The following CLYBL variants were observed in gnomAD, a reference collection of about 807,000 sequenced individuals.
CLYBL encodes citramalyl-CoA lyase, also known as citramalyl-CoA lyase, mitochondrial.
Under a neutral mutation model 38.9 loss-of-function variants are expected in CLYBL, and 31 were observed. The observed-to-expected ratio is 0.80, with a 90% CI of 0.60 to 1.08. The LOEUF (loss-of-function observed/expected upper bound fraction) is 1.08, where lower values mean the gene tolerates loss of function less well. CLYBL is among the 50% of genes least tolerant of loss of function. The pLI is 0.00. For missense variants in CLYBL, 434 were observed against 411.6 expected (o/e 1.05, Z -0.47); for synonymous variants, 171 against 158.6 (o/e 1.08, Z -0.59).
chr13:99,845,906 AAAT>A (rs909186835), intron 2 of CLYBL, among the ~76,000 whole-genome samples: 5 of 152,060 alleles, frequency 3.3e-5, no homozygotes, highest in African/African-American at 1.2e-4. Context: ...TTTTTGAAGA[AAAT>A]AAAATTGACA....
intron 1 of CLYBL, among the ~76,000 whole-genome samples, chr13:99,609,429 C>G (rs980110821): frequency 1.3e-5 from 2 of 152,156 alleles, no homozygotes; most frequent in Non-Finnish European, 2.9e-5. Flanking sequence ...CCTGCCTTGG[C>G]CTCCCAAAGT....
At chr13:99,882,482 C>G (rs2052235771) in intron 7 of CLYBL, among the ~76,000 whole-genome samples, 1 of 151,948 alleles carries the variant, frequency 6.6e-6, no homozygotes, top group African/African-American at 2.4e-5. Context: ...GGGCAAAACC[C>G]CATCTCTACT....
chr13:99,867,574 G>A (rs939688496), intron 6 of CLYBL, among the ~76,000 whole-genome samples: 2 of 152,084 alleles, frequency 1.3e-5, no homozygotes, highest in East Asian at 3.9e-4. Context: ...ATTAATAAAC[G>A]AATTCTCCCT....
At chr13:99,837,885 A>G (rs1453607497) in intron 2 of CLYBL, among the ~76,000 whole-genome samples, 1 of 152,266 alleles carries the variant, frequency 6.6e-6, no homozygotes, top group Non-Finnish European at 1.5e-5. Flanking sequence ...AAATCTCTAC[A>G]TACCAAAACG....
At chr13:99,712,950 T>G (rs1337177756) in intron 1 of CLYBL, among the ~76,000 whole-genome samples, 1 of 152,180 alleles carries the variant, frequency 6.6e-6, no homozygotes, top group Non-Finnish European at 1.5e-5. Context: ...CTTCTAGTAG[T>G]TATGTGAAAA....
intron 1 of CLYBL, among the ~76,000 whole-genome samples, chr13:99,726,847 G>A (rs963128373): frequency 3.9e-5 from 6 of 152,214 alleles, no homozygotes; most frequent in East Asian, 1.9e-4. Context: ...CAAAAAAGGC[G>A]TGCAAGGATG....
At chr13:99,838,188 G>T (rs2050984133) in intron 2 of CLYBL, among the ~76,000 whole-genome samples, 2 of 152,040 alleles carry the variant, frequency 1.3e-5, no homozygotes, top group Admixed American at 6.6e-5. Flanking sequence ...AAGATTGAAA[G>T]CTTTTATATT....
At chr13:99,862,212 C>T (rs989611424) in intron 3 of CLYBL, among the ~76,000 whole-genome samples, 1 of 152,086 alleles carries the variant, frequency 6.6e-6, no homozygotes. Context: ...CTTTATCATA[C>T]CTGTGTTTCT....
intron 2 of CLYBL, among the ~76,000 whole-genome samples, chr13:99,843,824 A>ACTCCTG (rs2139134549): frequency 6.6e-6 from 1 of 152,132 alleles, no homozygotes; most frequent in African/African-American, 2.4e-5. Context: ...CTGGTCTCGA[A>ACTCCTG]CTCCTGACCT....
Position 99,865,402 on chromosome 13 carries a change from T to TC in CLYBL, c.634+492dup, listed in dbSNP as rs907437462. Among the ~76,000 whole-genome samples, 2 of 152,364 alleles carry TC rather than the reference T, an allele frequency of 1.3e-5. No homozygotes were observed. Among genetic ancestry groups the TC allele is most frequent in the South Asian group, 2.1e-4 (1 of 4,824 alleles). ...TCTTAAATTTCTCTTACAATATGTT[T>TC]CGAACTCTTAGTATTAAATGTGCTG... On this transcript the variant is annotated intron_variant, in intron 5 of 8. Transcript: ENST00000339105. This position sits in a 1 kb window ranked among gnomAD's most constrained non-coding sequence, Gnocchi z 4.7.
intron 1 of CLYBL, among the ~76,000 whole-genome samples, chr13:99,638,735 G>A (rs1013938975): frequency 2.6e-5 from 4 of 152,174 alleles, no homozygotes; most frequent in Non-Finnish European, 5.9e-5. Flanking sequence ...GGAGGAAACC[G>A]AAACACAGAA....
chr13:99,792,074 T>C (rs943607167), intron 2 of CLYBL, among the ~76,000 whole-genome samples: 4 of 151,918 alleles, frequency 2.6e-5, no homozygotes, highest in Admixed American at 6.5e-5. Context: ...ATGTTACTTA[T>C]TTTTTTTCCC....
intron 1 of CLYBL, among the ~76,000 whole-genome samples, chr13:99,688,402 G>A (rs1594120407): frequency 6.6e-6 from 1 of 152,148 alleles, no homozygotes; most frequent in Non-Finnish European, 1.5e-5. Flanking sequence ...GGATATTACA[G>A]TCTGTGATTT....
intron 1 of CLYBL, among the ~76,000 whole-genome samples, chr13:99,645,575 C>G (rs2139284645): frequency 6.6e-6 from 1 of 151,106 alleles, no homozygotes; most frequent in East Asian, 1.9e-4. Context: ...CTGTGGTGAT[C>G]AGTGATGTTG....
At chr13:99,641,620 C>T (rs769947110) in intron 1 of CLYBL, among the ~76,000 whole-genome samples, 9 of 149,430 alleles carry the variant, frequency 6.0e-5, no homozygotes, top group African/African-American at 2.2e-4. Flanking sequence ...CTGGCTAGCA[C>T]GGTGAAACCC....
chr13:99,844,503 G>T (rs1317658055), intron 2 of CLYBL, among the ~76,000 whole-genome samples: 1 of 152,162 alleles, frequency 6.6e-6, no homozygotes, highest in East Asian at 1.9e-4. Context: ...GACACCATTG[G>T]TCCTCTCTGT....
At position 99,864,820 on chromosome 13, in the gene CLYBL, A is replaced by G. The variant is rs1566359199; in HGVS notation, c.543A>G (p.Ala181=). ...AGTTCTGTTCTGCTCTTTTACAGGCAGTGTGTGAAGAAACCCTGAAGGTCG... is the reference window on the plus strand; with the variant it reads ...AGTTCTGTTCTGCTCTTTTACAGGCGGTGTGTGAAGAAACCCTGAAGGTCG... The part of the protein sequence containing the change: ...ETAMGLLNFK[A]VCEETLKVGP... Residue 181 remains alanine (A), a splice_region_variant and synonymous_variant, in exon 5 of 9, where the codon GCA becomes GCG. Coordinates refer to ENST00000339105, the MANE Select transcript of CLYBL (RefSeq NM_206808.5). 6.2e-7 allele frequency: 1 copy of G among 1,611,516 alleles called. No individual in the cohort carries two copies. The highest frequency in any genetic ancestry group is 2.2e-5 in the East Asian group (1 of 44,858).
At chr13:99,901,823 C>A (rs1255319672), downstream of CLYBL, among the ~76,000 whole-genome samples, 1 of 151,988 alleles carries the variant, frequency 6.6e-6, no homozygotes, top group African/African-American at 2.4e-5. Flanking sequence ...CCATGCCTGG[C>A]TAATTTTTGT....
intron 1 of CLYBL, among the ~76,000 whole-genome samples, chr13:99,694,053 G>A (rs142709676): frequency 9.8e-5 from 15 of 152,292 alleles, no homozygotes; most frequent in African/African-American, 3.6e-4. Flanking sequence ...AACTGTAAAT[G>A]GAAGGAAGCT....
Sources: gnomAD v4.1 joint callset for allele counts (sites outside exome capture counted in the v4.1 genomes callset) on GRCh38, gnomAD v4.1.1 for gene constraint, Gnocchi (gnomAD v3.1) non-coding constraint, MANE v1.5 for transcripts, NCBI Gene and HGNC (gene_info 2026-07-23, HGNC 2026-07-21) for gene names.